The following PHYHIPL variants were observed in gnomAD, a reference collection of about 807,000 sequenced individuals.
PHYHIPL encodes phytanoyl-CoA hydroxylase-interacting protein-like.
A neutral mutation model predicts 33.4 loss-of-function variants in PHYHIPL; 9 were observed. The observed-to-expected ratio is 0.27, with a 90% CI of 0.16 to 0.47. PHYHIPL has a LOEUF of 0.47. PHYHIPL is among the 20% of genes least tolerant of loss of function. The pLI is 0.99. For synonymous variants in PHYHIPL, 153 were observed against 154.1 expected (o/e 0.99, Z 0.05); for missense variants, 365 against 460.7 (o/e 0.79, Z 1.90).
chr10:59,235,141 G>A, intron 2 of PHYHIPL, among the ~76,000 whole-genome samples: 1 of 151,680 alleles, frequency 6.6e-6, no homozygotes, highest in East Asian at 1.9e-4. Context: ...AAACACTTTA[G>A]GGCTAAAAAT....
chr10:59,196,450 T>C (rs1838920291), intron 1 of PHYHIPL, among the ~76,000 whole-genome samples: 1 of 150,682 alleles, frequency 6.6e-6, no homozygotes, highest in African/African-American at 2.4e-5. Flanking sequence ...AGTCTTGCTC[T>C]GTTGCCCAGG....
chr10:59,206,699 A>G (rs1281724741), intron 1 of PHYHIPL: 2 of 827,430 alleles, frequency 2.4e-6, no homozygotes, highest in East Asian at 1.5e-4. Context: ...GGGAGACAGA[A>G]AATTGTAAAA....
At chr10:59,219,544 A>G (rs1408180747) in intron 1 of PHYHIPL, among the ~76,000 whole-genome samples, 2 of 152,188 alleles carry the variant, frequency 1.3e-5, no homozygotes, top group Non-Finnish European at 2.9e-5. Flanking sequence ...ATTTGTTGAT[A>G]AAGTAAGAAT....
rs771280316 is a variant in PHYHIPL at position 59,219,129 on chromosome 10, A to AATAAT, written c.107-15172_107-15168dup. The AATAAT allele has an allele frequency of 1.1e-3, 389 of 352,018 alleles. 1 individual carries two copies. Among genetic ancestry groups the AATAAT allele is most frequent in the Non-Finnish European group, 1.4e-3 (356 of 250,796 alleles). 21.8% of individuals were successfully genotyped at this position (352,018 alleles called of 1,614,324 possible). A position where few individuals can be genotyped will look rare whatever the true frequency, so the allele number is the denominator to read the frequency against. On this transcript the variant is annotated intron_variant, in intron 1 of 4. Coordinates refer to ENST00000373880, the MANE Select transcript of PHYHIPL (RefSeq NM_032439.4). ...AGCTGATGTTGGCCACACACAGAAA[A>AATAAT]ATAATATTCTAGGTATTTTGAGAGA...
chr10:59,212,227 C>T (rs189595236), intron 1 of PHYHIPL, among the ~76,000 whole-genome samples: 5 of 152,226 alleles, frequency 3.3e-5, no homozygotes, highest in Non-Finnish European at 4.4e-5. Flanking sequence ...TCTTAGCCTC[C>T]GTATCTGTAA....
chr10:59,180,266 A>G (rs2133175613), intron 1 of PHYHIPL, among the ~76,000 whole-genome samples: 1 of 139,348 alleles, frequency 7.2e-6, no homozygotes, highest in East Asian at 2.1e-4. Context: ...ATACACACAC[A>G]CACACACACA....
intron 1 of PHYHIPL, among the ~76,000 whole-genome samples, chr10:59,226,410 A>G (rs1057444924): frequency 6.6e-6 from 1 of 152,184 alleles, no homozygotes; most frequent in African/African-American, 2.4e-5. Context: ...GAACAATACA[A>G]GCAAGAGACA....
Position 59,245,551 on chromosome 10 carries a change from A to C in PHYHIPL, c.1091A>C (p.Asp364Ala). Reference sequence around the variant, plus strand: ...TTGTCTACTGCAAATGCAAAGAAAGATCCCAGCTGCAAAACCTGTAATATC... The same window carrying C: ...TTGTCTACTGCAAATGCAAAGAAAGCTCCCAGCTGCAAAACCTGTAATATC... ...MSLSTANAKK[D>A]PSCKTCNISV... The change falls in exon 5 of 5, where the codon GAT (aspartate) becomes GCT (alanine). Residue 364 changes from aspartate to alanine, a missense_variant. Coordinates refer to ENST00000373880, the MANE Select transcript of PHYHIPL (RefSeq NM_032439.4). The C allele has an allele frequency of 6.2e-7, 1 of 1,610,606 alleles. No individual in the cohort carries two copies. The highest frequency in any genetic ancestry group is 8.5e-7 in the Non-Finnish European group (1 of 1,178,836).
intron 1 of PHYHIPL, among the ~76,000 whole-genome samples, chr10:59,217,648 G>A (rs1448595996): frequency 6.6e-6 from 1 of 151,454 alleles, no homozygotes; most frequent in African/African-American, 2.4e-5. Context: ...CAAGTGTGAA[G>A]AAAATATATA....
intron 4 of PHYHIPL, among the ~76,000 whole-genome samples, chr10:59,241,358 T>A (rs1014241158): frequency 2.2e-4 from 34 of 152,126 alleles, no homozygotes; most frequent in African/African-American, 8.2e-4. Context: ...CCATAAGAAA[T>A]CAACTCATTT....
intron 1 of PHYHIPL, among the ~76,000 whole-genome samples, chr10:59,180,354 ATATATAT>A (rs1838383315): frequency 1.0e-5 from 1 of 97,462 alleles, no homozygotes; most frequent in African/African-American, 4.3e-5. Context: ...ATATATATAT[ATATATAT>A]ACTTTTTCTT....
intron 1 of PHYHIPL, 22 bp from the exon 2 acceptor site, chr10:59,234,282 C>T (rs749731898): frequency 1.3e-6 from 2 of 1,518,928 alleles, no homozygotes; most frequent in Non-Finnish European, 1.8e-6. Flanking sequence ...AAATTAACTT[C>T]CTGTGCATTG....
chr10:59,247,769 A>C lies in PHYHIPL; in HGVS notation c.*2178A>C, dbSNP rs764313763. 37 of 1,597,208 alleles carry C rather than the reference A, an allele frequency of 2.3e-5. No homozygotes were observed. The South Asian group carries it at 4.0e-4, about 17-fold the overall frequency. On this transcript the variant is annotated 3_prime_UTR_variant, in exon 5 of 5. Coordinates refer to ENST00000373880, the MANE Select transcript of PHYHIPL (RefSeq NM_032439.4). The stretch of plus-strand genomic sequence containing the variant: ...AACAAAAATACATTTGTTAGTTCAC[A>C]ATGAATCAAGTCATTATTTAAACAT...
chr10:59,232,252 CTAAG>C (rs1210335531), intron 1 of PHYHIPL, among the ~76,000 whole-genome samples: 3 of 151,946 alleles, frequency 2.0e-5, no homozygotes, highest in East Asian at 3.9e-4. Context: ...TTACGACTAC[CTAAG>C]TAAGAAAGTT....
intron 1 of PHYHIPL, among the ~76,000 whole-genome samples, chr10:59,226,850 A>C (rs1839940811): frequency 6.6e-6 from 1 of 152,196 alleles, no homozygotes; most frequent in Non-Finnish European, 1.5e-5. Flanking sequence ...ATTTCAAAGA[A>C]AATACCGTCC....
At chr10:59,182,111 C>T (rs1838427859) in intron 1 of PHYHIPL, among the ~76,000 whole-genome samples, 1 of 152,190 alleles carries the variant, frequency 6.6e-6, no homozygotes. Flanking sequence ...ATAACAGCAG[C>T]TATGTCACTC....
chr10:59,221,861 C>T (rs1839787202), intron 1 of PHYHIPL, among the ~76,000 whole-genome samples: 1 of 151,944 alleles, frequency 6.6e-6, no homozygotes, highest in Non-Finnish European at 1.5e-5. Flanking sequence ...TGCTATTGAC[C>T]ACATAGTTTG....
chr10:59,235,450 C>T (rs974339973), intron 2 of PHYHIPL, among the ~76,000 whole-genome samples: 1 of 151,680 alleles, frequency 6.6e-6, no homozygotes, highest in Non-Finnish European at 1.5e-5. Flanking sequence ...TAAGTTTTAA[C>T]TTGGTAGATA....
chr10:59,245,018 CTATTG>C (rs1731404388), intron 4 of PHYHIPL, 34 bp from the exon 5 acceptor site: 1 of 1,557,690 alleles, frequency 6.4e-7, no homozygotes, highest in Non-Finnish European at 8.6e-7. Context: ...GGGTTTACCA[CTATTG>C]TATTAAGCAG....
Sources: gnomAD v4.1 joint callset for allele counts (sites outside exome capture counted in the v4.1 genomes callset) on GRCh38, gnomAD v4.1.1 for gene constraint, MANE v1.5 for transcripts, NCBI Gene and HGNC (gene_info 2026-07-23, HGNC 2026-07-21) for gene names.